KIF13B: variants seen among roughly 807,000 people sequenced by gnomAD.
KIF13B encodes kinesin family member 13B, also known as kinesin-like protein KIF13B.
KIF13B carries 127 observed loss-of-function variants against 222.0 expected under a neutral mutation model. The observed-to-expected ratio is 0.57, with a 90% confidence interval of 0.50 to 0.66. The LOEUF (loss-of-function observed/expected upper bound fraction) is 0.66, where lower values mean the gene tolerates loss of function less well. Among genes scored for constraint, KIF13B ranks in the 30% least tolerant of loss-of-function variants. KIF13B has a pLI of 0.00. For synonymous variants in KIF13B, 976 were observed against 919.0 expected, an observed-to-expected ratio of 1.06 and a Z score of -1.12; for missense variants, 2,173 against 2,379.0, an observed-to-expected ratio of 0.91 and a Z score of 1.80.
At chr8:29,160,421 T>TA (rs1352817719) in intron 13 of KIF13B, among the ~76,000 whole-genome samples, 1 of 152,242 alleles carries the variant, frequency 6.6e-6, no homozygotes, top group Non-Finnish European at 1.5e-5. Context: ...GTATACTTAC[T>TA]AAATGAATCA....
chr8:29,074,695 G>C (rs898972062), intron 38 of KIF13B, among the ~76,000 whole-genome samples: 2 of 152,198 alleles, frequency 1.3e-5, no homozygotes, highest in African/African-American at 4.8e-5. Context: ...GGGGTAAAAA[G>C]GTCATTCAGA....
chr8:29,196,244 TAAAAA>T (rs34237413), intron 2 of KIF13B, 45 bp from the exon 3 acceptor site: 6 of 1,233,010 alleles, frequency 4.9e-6, no homozygotes, highest in South Asian at 1.5e-5. Flanking sequence ...AAAGAAAAGT[TAAAAA>T]AAAAAAAAAA....
rs138157653 is a variant in KIF13B, at chr8:29,259,870, T to C, written c.55+3110A>G. Reference sequence around the variant, plus strand: ...GACAAAAATTTACCCTTTTCTCTAGTTGTTTAGCTTTGCATCTCAGATGAA... The same window carrying C: ...GACAAAAATTTACCCTTTTCTCTAGCTGTTTAGCTTTGCATCTCAGATGAA... On this transcript the variant is annotated intron_variant, in intron 1 of 39. Coordinates refer to ENST00000524189, the MANE Select transcript of KIF13B (RefSeq NM_015254.4). Among the ~76,000 whole-genome samples the C allele has an allele frequency of 5.8e-3, 884 of 152,374 alleles. 2 individuals carry two copies. The highest frequency in any genetic ancestry group is 0.01 in the Middle Eastern group (3 of 294).
Position 29,225,676 on chromosome 8 carries a change from G to A in KIF13B, c.149+19670C>T, listed in dbSNP as rs115046924. On this transcript the variant is annotated intron_variant, in intron 2 of 39. Coordinates refer to ENST00000524189, the MANE Select transcript of KIF13B (RefSeq NM_015254.4). ...GCAGTTTTAAACCTTCCTGTGTCTG[G>A]CTGGATCGATTCCTGTGTTACCAGC... Among the ~76,000 whole-genome samples the A allele has an allele frequency of 4.8e-3, 738 of 152,278 alleles. 4 individuals are homozygous for A. Among genetic ancestry groups the A allele is most frequent in the African/African-American group, 0.017 (690 of 41,550 alleles).
rs1210939141 is a variant in KIF13B, at chr8:29,107,716, T to A, written c.4215+423A>T. Among the ~76,000 whole-genome samples, 6 of 151,994 alleles carry A rather than the reference T, an allele frequency of 3.9e-5. No individual in the cohort carries two copies. In the East Asian group the frequency reaches 7.8e-4, roughly 20 times the overall value. ...GCTGGGACTACAGGTGCCCGCCACC[T>A]CGCCTGACTAGTTTTTTGTATTTTT... is the stretch of plus-strand genomic sequence containing the variant. On this transcript the variant is annotated intron_variant, in intron 35 of 39. Transcript: ENST00000524189.
Position 29,148,726 on chromosome 8 carries a change from T to C in KIF13B, c.1664A>G (p.Asp555Gly), listed in dbSNP as rs1251615901. Reference protein sequence around the residue: ...PKKKKKAEREDEDQDPSMKNE... With the variant: ...PKKKKKAEREGEDQDPSMKNE... The stretch of plus-strand genomic sequence containing the variant: ...CTTCATGGAGGGATCCTGGTCCTCA[T>C]CCTCTCGTTCTGCTTTCTTTTTCTT... The change falls in exon 16 of 40, where the codon GAT (aspartate) becomes GGT (glycine). Residue 555 changes from aspartate (D) to glycine (G), a missense_variant. By Grantham distance (94) the Asp-to-Gly change is moderately conservative. This residue lies in a region of KIF13B where 1,480 missense variants were observed against 1,722.8 expected (regional missense o/e 0.86). Coordinates refer to ENST00000524189, the MANE Select transcript of KIF13B (RefSeq NM_015254.4). 4.4e-6 allele frequency: 7 copies of C among 1,604,584 alleles called. No homozygotes were observed. Among genetic ancestry groups the C allele is most frequent in the Middle Eastern group, 1.7e-4 (1 of 6,036 alleles).
chr8:29,104,155 C>G (rs1365680430), intron 35 of KIF13B, among the ~76,000 whole-genome samples: 1 of 152,182 alleles, frequency 6.6e-6, no homozygotes, highest in East Asian at 1.9e-4. Context: ...ACTGCCTCGG[C>G]GCTCCCCAGC....
intron 18 of KIF13B, 41 bp downstream of exon 18, chr8:29,146,337 C>G (rs778678714): frequency 1.1e-5 from 17 of 1,594,910 alleles, no homozygotes; most frequent in South Asian, 6.6e-5. Flanking sequence ...GCGATCTTAT[C>G]CAATGAGATC....
rs371536946 is a variant in KIF13B at position 29,252,759 on chromosome 8, T to C, written c.56-7320A>G. ...TGTTTTCCCAATTGGAATATAATAT[T>C]TAATGGCATAGCAGGAAACACTACC... On this transcript the variant is annotated intron_variant, in intron 1 of 39. Coordinates refer to ENST00000524189, the MANE Select transcript of KIF13B (RefSeq NM_015254.4). Among the ~76,000 whole-genome samples the C allele has an allele frequency of 1.1e-3, 165 of 152,304 alleles. 1 individual carries two copies. The South Asian group carries it at 0.02, about 19-fold the overall frequency.
At chr8:29,108,688 TTCCTAAATG>T (rs1398735993) in intron 34 of KIF13B, among the ~76,000 whole-genome samples, 1 of 152,226 alleles carries the variant, frequency 6.6e-6, no homozygotes, top group African/African-American at 2.4e-5. Flanking sequence ...TAAAGTGATC[TTCCTAAATG>T]TCTGAGATGG....
chr8:29,148,024 C>T (rs1811132942), intron 16 of KIF13B, among the ~76,000 whole-genome samples: 1 of 152,198 alleles, frequency 6.6e-6, no homozygotes, highest in Non-Finnish European at 1.5e-5. Context: ...ATGGCGAAAC[C>T]TTGTCTCTAT....
intron 16 of KIF13B, 104 bp downstream of exon 16, chr8:29,148,473 A>G (rs1563741252): frequency 3.0e-6 from 2 of 677,242 alleles, no homozygotes; most frequent in East Asian, 6.3e-5. Flanking sequence ...TCACGGGCAC[A>G]GTCTCAGCTC....
At chr8:29,227,293 AT>A (rs1184776047) in intron 2 of KIF13B, among the ~76,000 whole-genome samples, 2 of 152,066 alleles carry the variant, frequency 1.3e-5, no homozygotes, top group African/African-American at 4.8e-5. Flanking sequence ...TTTACACTTT[AT>A]TTTTTATTTT....
At position 29,071,498 on chromosome 8, in the gene KIF13B, C is replaced by T; in HGVS notation, c.5218+122G>A. Reference sequence around the variant, plus strand: ...GCCCAGCCGCTCCCGCAGCTTCAGCCAAGCCGCTGCCTCCCGGCCCCTCCC... The same window carrying T: ...GCCCAGCCGCTCCCGCAGCTTCAGCTAAGCCGCTGCCTCCCGGCCCCTCCC... On this transcript the variant is annotated intron_variant, in intron 39 of 39. Coordinates refer to ENST00000524189, the MANE Select transcript of KIF13B (RefSeq NM_015254.4). This position sits in a 1 kb window ranked among gnomAD's most constrained non-coding sequence, Gnocchi z 4.9. 2 of 884,116 alleles carry T rather than the reference C, an allele frequency of 2.3e-6. No individual in the cohort carries two copies. Among genetic ancestry groups the T allele is most frequent in the Non-Finnish European group, 3.5e-6 (2 of 575,370 alleles). The allele number at this position is 884,116 out of a possible 1,614,324, so 54.8% of individuals were successfully genotyped here.
At chr8:29,073,840 A>C (rs1807427623) in intron 38 of KIF13B, among the ~76,000 whole-genome samples, 1 of 152,146 alleles carries the variant, frequency 6.6e-6, no homozygotes, top group Non-Finnish European at 1.5e-5. Flanking sequence ...GCACCTCTTG[A>C]GATTAACAGC....
chr8:29,163,731 A>T (rs942886156), intron 12 of KIF13B, among the ~76,000 whole-genome samples: 9 of 152,214 alleles, frequency 5.9e-5, no homozygotes, highest in Non-Finnish European at 1.3e-4. Flanking sequence ...CTGTTGAATA[A>T]AATCAGGCAG....
At chr8:29,083,128 A>T (rs1447022872) in intron 37 of KIF13B, among the ~76,000 whole-genome samples, 5 of 148,382 alleles carry the variant, frequency 3.4e-5, no homozygotes, top group East Asian at 3.9e-4. Flanking sequence ...GACCCTGTCT[A>T]AAAAAAAAAG....
At chr8:29,172,208 G>C (rs949357950) in intron 10 of KIF13B, among the ~76,000 whole-genome samples, 1 of 151,282 alleles carries the variant, frequency 6.6e-6, no homozygotes, top group Non-Finnish European at 1.5e-5. Flanking sequence ...AGCCTCCCGA[G>C]TAGCTGGAAC....
chr8:29,176,069 T>C lies in KIF13B; in HGVS notation c.944A>G (p.Lys315Arg). 6 of 1,600,270 alleles carry C rather than the reference T, an allele frequency of 3.7e-6. No individual in the cohort carries two copies. The highest frequency in any genetic ancestry group is 5.1e-6 in the Non-Finnish European group (6 of 1,168,492). ...YRDSVLTWLL[K>R]DSLGGNSKTA... ...GGAAGGGAAAAAAAACAAACTTACT[T>C]TGAGCAGCCAAGTGAGAACTGAGTC... The change falls in exon 10 of 40, where the codon AAA becomes AGA. Residue 315 changes from lysine (K) to arginine (R), a missense_variant and splice_region_variant. Physicochemically the swap from Lys to Arg is conservative, Grantham distance 26. This residue lies in a region of KIF13B where 1,480 missense variants were observed against 1,722.8 expected (regional missense o/e 0.86). Transcript: ENST00000524189.
Sources: gnomAD v4.1 joint callset for allele counts (sites outside exome capture counted in the v4.1 genomes callset) on GRCh38, gnomAD v4.1.1 for gene constraint, gnomAD v4.1.1 regional missense constraint, Gnocchi (gnomAD v3.1) non-coding constraint, MANE v1.5 for transcripts, NCBI Gene and HGNC (gene_info 2026-07-23, HGNC 2026-07-21) for gene names.